The following SLC5A2 variants were observed in gnomAD, a reference collection of about 807,000 sequenced individuals.
The protein encoded by SLC5A2 is sodium/glucose cotransporter 2.
SLC5A2 carries 67 observed loss-of-function variants against 69.0 expected under a neutral mutation model. The ratio of observed to expected loss-of-function variants is 0.97; its 90% confidence interval spans 0.80 to 1.19. The LOEUF (loss-of-function observed/expected upper bound fraction) is 1.19. Among genes scored for constraint, SLC5A2 ranks in the 50% most tolerant of loss-of-function variants. The pLI is 0.00. For missense variants in SLC5A2, 1,001 were observed against 921.5 expected (o/e 1.09, Z -1.12); for synonymous variants, 455 against 395.8 (o/e 1.15, Z -1.78).
chr16:31,486,936 C>G (rs1307951732), intron 5 of SLC5A2, among the ~76,000 whole-genome samples: 4 of 152,188 alleles, frequency 2.6e-5, no homozygotes, highest in Non-Finnish European at 5.9e-5. Context: ...ATCCCAGCTA[C>G]TCGGGAGGCT....
chr16:31,485,992 T>G, intron 4 of SLC5A2, 99 bp downstream of exon 4: 1 of 1,391,352 alleles, frequency 7.2e-7, no homozygotes, highest in Non-Finnish European at 1.0e-6. Flanking sequence ...GAGAAACCAC[T>G]GCGAGGGTTA....
chr16:31,488,187 C>T lies in SLC5A2; in HGVS notation c.1021+14C>T, dbSNP rs1349979357. On this transcript the variant is annotated intron_variant, in intron 8 of 13. Transcript: ENST00000330498. ...TTCTGTACCCAGGTAACATCCCTGC[C>T]CCGCCCCTTTCCTGTGCCAGCAACC... 3 of 1,613,976 alleles carry T rather than the reference C, an allele frequency of 1.9e-6. No homozygotes were observed. Among genetic ancestry groups the T allele is most frequent in the East Asian group, 2.2e-5 (1 of 44,880 alleles).
intron 5 of SLC5A2, 34 bp from the exon 6 acceptor site, chr16:31,487,286 A>G: frequency 6.2e-7 from 1 of 1,606,980 alleles, no homozygotes; most frequent in South Asian, 1.1e-5. Flanking sequence ...TAACATAAAC[A>G]GCTGGGCTGT....
chr16:31,489,512 G>C, intron 12 of SLC5A2, 174 bp downstream of exon 12: 2 of 665,606 alleles, frequency 3.0e-6, no homozygotes, highest in Non-Finnish European at 5.3e-6. Flanking sequence ...ACATTTATTT[G>C]AACCGGCCTG....
Position 31,489,235 on chromosome 16 carries a change from T to C in SLC5A2, c.1562T>C (p.Leu521Pro), listed in dbSNP as rs2082535144. 6.2e-7 allele frequency: 1 copy of C among 1,610,434 alleles called. No individual in the cohort carries two copies. The highest frequency in any genetic ancestry group is 1.3e-5 in the African/African-American group (1 of 74,932). ...CAGCCCTCGGCGTGCCCAGCTTTCC[T>C]CTGCGGCGTGCACTACCTCTACTTC... is the stretch of plus-strand genomic sequence containing the variant. ...CVQPSACPAFLCGVHYLYFAI... is the reference protein window; with the variant it reads ...CVQPSACPAFPCGVHYLYFAI... Residue 521 changes from leucine (L) to proline (P), a missense_variant, in exon 12 of 14, where the codon CTC becomes CCC. Coordinates refer to ENST00000330498, the MANE Select transcript of SLC5A2 (RefSeq NM_003041.4).
rs1284793200 is a variant in SLC5A2, at chr16:31,484,256, A to ACACACACG, written c.127-416_127-415insACACACGC. 9.9e-4 allele frequency among the ~76,000 whole-genome samples: 144 copies of ACACACACG among 145,724 alleles called. 27 individuals are homozygous for ACACACACG. The highest frequency in any genetic ancestry group is 9.1e-5 in the Non-Finnish European group (6 of 66,232). ...CACACACACACACACACACACACAC[A>ACACACACG]CGCACACACACACAAAAAGCTGGGT... is the stretch of plus-strand genomic sequence containing the variant. On this transcript the variant is annotated intron_variant, in intron 1 of 13. Transcript: ENST00000330498.
Position 31,488,376 on chromosome 16 carries a change from C to G in SLC5A2, c.1022-7C>G. The G allele has an allele frequency of 1.9e-6, 3 of 1,610,938 alleles. No individual in the cohort carries two copies. The highest frequency in any genetic ancestry group is 3.3e-5 in the Admixed American group (2 of 59,902). Reference sequence around the variant, plus strand: ...GTCCTAACGGCGCGGTGGCCTCTCTCTGGCAGACGAGGTGGCGTGCGTGGT... The same window carrying G: ...GTCCTAACGGCGCGGTGGCCTCTCTGTGGCAGACGAGGTGGCGTGCGTGGT... On this transcript the variant is annotated splice_region_variant and splice_polypyrimidine_tract_variant and intron_variant, in intron 8 of 13. Transcript: ENST00000330498.
At chr16:31,485,388 C>T in intron 3 of SLC5A2, 1 of 471,126 alleles carries the variant, frequency 2.1e-6, no homozygotes, top group East Asian at 4.2e-5. Flanking sequence ...GACTGCTGAG[C>T]TGATCCTTGA....
rs781258232 is a variant in SLC5A2, at chr16:31,486,238, C to T, written c.537C>T (p.Ile179=). 25 of 1,613,818 alleles carry T rather than the reference C, an allele frequency of 1.5e-5. No individual in the cohort carries two copies. Among genetic ancestry groups the T allele is most frequent in the Admixed American group, 1.0e-4 (6 of 59,988 alleles). The stretch of plus-strand genomic sequence containing the variant: ...GCTGGAACATCTATGCCTCCGTCAT[C>T]GCGCTTCTGGGCATCACCATGATTT... ...ALGWNIYASV[I]ALLGITMIYT... is the part of the protein sequence containing the mutation. Residue 179 remains isoleucine (I), a synonymous_variant, in exon 5 of 14, where the codon ATC becomes ATT. Coordinates refer to ENST00000330498, the MANE Select transcript of SLC5A2 (RefSeq NM_003041.4).
Position 31,489,314 on chromosome 16 carries a change from C to T in SLC5A2, c.1641C>T (p.Cys547=). 1 of 1,609,414 alleles carries T rather than the reference C, an allele frequency of 6.2e-7. No homozygotes were observed. ...SGLLTLTVSL[C]TAPIPRKHLH... ...TCCTCACCCTCACGGTCTCCCTGTGCACCGCGCCCATCCCCAGAAAGCACG... is the reference window on the plus strand; with the variant it reads ...TCCTCACCCTCACGGTCTCCCTGTGTACCGCGCCCATCCCCAGAAAGCACG... The change falls in exon 12 of 14, where the codon TGC becomes TGT. Residue 547 remains cysteine, a synonymous_variant. Coordinates refer to ENST00000330498, the MANE Select transcript of SLC5A2 (RefSeq NM_003041.4).
chr16:31,489,356 C>A lies in SLC5A2; in HGVS notation c.1665+18C>A. On this transcript the variant is annotated intron_variant, in intron 12 of 13. Coordinates refer to ENST00000330498, the MANE Select transcript of SLC5A2 (RefSeq NM_003041.4). ...GAAAGCACGTGAGTGGCCAGGTGCC[C>A]CAGGCAAGCACTGTGGGACACAGCA... 1 of 1,600,642 alleles carries A rather than the reference C, an allele frequency of 6.2e-7. No individual in the cohort carries two copies.
intron 12 of SLC5A2, chr16:31,489,892 G>A (rs564291548): frequency 5.7e-5 from 35 of 619,320 alleles, no homozygotes; most frequent in Non-Finnish European, 8.3e-5. Flanking sequence ...CAAGGCCAAC[G>A]GCTTTAAACA....
intron 9 of SLC5A2, 52 bp from the exon 10 acceptor site, chr16:31,488,570 G>C: frequency 1.2e-6 from 2 of 1,607,452 alleles, no homozygotes; most frequent in South Asian, 2.2e-5. Context: ...CGCAGCTGCA[G>C]CCGCCCTGGA....
chr16:31,487,330 C>T lies in SLC5A2; in HGVS notation c.585C>T (p.Ala195=), dbSNP rs149365514. ...CCCGGCCTGTTGCAGGAGGGCTGGC[C>T]GCGCTGATGTACACGGACACGGTAC... The part of the protein sequence containing the change: ...TMIYTVTGGL[A]ALMYTDTVQT... The change falls in exon 6 of 14, where the codon GCC becomes GCT. Residue 195 remains alanine, a synonymous_variant. Coordinates refer to ENST00000330498, the MANE Select transcript of SLC5A2 (RefSeq NM_003041.4). 4.2e-5 allele frequency: 67 copies of T among 1,613,882 alleles called. No individual in the cohort carries two copies. In the African/African-American group the frequency reaches 8.9e-4, roughly 22 times the overall value.
In SLC5A2 at chr16:31,487,772, G is replaced by A. The variant is rs370660074; in HGVS notation, c.885+13G>A. ...GTGCAGCGACCAGGTGCGGGTATAG[G>A]GCTGCGCCTGCAGTGAGGCCGGGGC... On this transcript the variant is annotated intron_variant, in intron 7 of 13. Transcript: ENST00000330498. The A allele has an allele frequency of 1.4e-4, 224 of 1,599,102 alleles. No individual in the cohort carries two copies. Among genetic ancestry groups the A allele is most frequent in the Non-Finnish European group, 1.8e-4 (211 of 1,173,876 alleles).
At position 31,488,719 on chromosome 16, in the gene SLC5A2, C is replaced by G; in HGVS notation, c.1227C>G (p.Ile409Met). 6.2e-7 allele frequency: 1 copy of G among 1,611,984 alleles called. No homozygotes were observed. The highest frequency in any genetic ancestry group is 8.5e-7 in the Non-Finnish European group (1 of 1,179,180). The change falls in exon 10 of 14, where the codon ATC becomes ATG. Residue 409 changes from isoleucine to methionine, a missense_variant. By Grantham distance (10) the Ile-to-Met change is conservative. Transcript: ENST00000330498. ...NSSSTLFTMD[I>M]YTRLRPRAGD... ...GCAGCACGCTCTTCACCATGGACAT[C>G]TACACGCGCCTGCGGCCACGCGCCG...
At chr16:31,485,111 G>A (rs770050786) in intron 3 of SLC5A2, 188 bp downstream of exon 3, 2 of 678,034 alleles carry the variant, frequency 2.9e-6, no homozygotes, top group African/African-American at 1.8e-5. Context: ...GGTGACCACT[G>A]TTGGTCCTGC....
intron 5 of SLC5A2, among the ~76,000 whole-genome samples, chr16:31,487,043 TCAAAAA>T (rs5816530): frequency 5.3e-5 from 8 of 150,362 alleles, no homozygotes; most frequent in Non-Finnish European, 1.2e-4. Context: ...AGACTCCATC[TCAAAAA>T]CAAAAACAAA....
rs1180807903 is a variant in SLC5A2 at position 31,483,273 on chromosome 16, G to T, written c.126+11G>T. On this transcript the variant is annotated intron_variant, in intron 1 of 13. Transcript: ENST00000330498. ...GGCGTTGGCTTGTGGGTGAGAAGTT[G>T]GGGGGTGTGCTGCTGGTGGCTGCTG... 6.2e-7 allele frequency: 1 copy of T among 1,613,646 alleles called. No homozygotes were observed. The highest frequency in any genetic ancestry group is 8.5e-7 in the Non-Finnish European group (1 of 1,179,844).
Sources: gnomAD v4.1 joint callset for allele counts (sites outside exome capture counted in the v4.1 genomes callset) on GRCh38, gnomAD v4.1.1 for gene constraint, MANE v1.5 for transcripts, NCBI Gene and HGNC (gene_info 2026-07-23, HGNC 2026-07-21) for gene names.